FMN1: variants seen among roughly 807,000 people sequenced by gnomAD.
FMN1 encodes formin 1, also known as formin-1.
FMN1 carries 110 observed loss-of-function variants against 132.4 expected under a neutral mutation model. The ratio of observed to expected loss-of-function variants is 0.83; its 90% CI spans 0.71 to 0.97. FMN1 has a LOEUF of 0.97. Among genes scored for constraint, FMN1 ranks in the 50% least tolerant of loss-of-function variants. The probability of loss-of-function intolerance (pLI) is 0.00; values close to 1 mark genes in which losing one functional copy is unlikely to be tolerated. For missense variants in FMN1, 1,792 were observed against 1,705.3 expected, an observed-to-expected ratio of 1.05 and a Z score of -0.90; for synonymous variants, 722 against 651.7, an observed-to-expected ratio of 1.11 and a Z score of -1.64.
At chr15:32,934,633 G>A (rs912538264) in intron 9 of FMN1, among the ~76,000 whole-genome samples, 1 of 142,216 alleles carries the variant, frequency 7.0e-6, no homozygotes, top group African/African-American at 2.6e-5. Context: ...GGAGGACTGA[G>A]TCTCACTCTG....
intron 4 of FMN1, among the ~76,000 whole-genome samples, chr15:33,128,423 T>A (rs1386719222): frequency 2.0e-5 from 3 of 152,172 alleles, no homozygotes; most frequent in Admixed American, 1.3e-4. Context: ...AAAATCATTC[T>A]TTCTACCTCC....
Position 32,903,585 on chromosome 15 carries a change from T to C in FMN1, c.3378-1545A>G, listed in dbSNP as rs189033671. Among the ~76,000 whole-genome samples, 510 of 152,320 alleles carry C rather than the reference T, an allele frequency of 3.3e-3. 1 individual carries two copies. The highest frequency in any genetic ancestry group is 5.3e-3 in the Non-Finnish European group (360 of 68,034). ...ATTCAGGACCCAAGTTCCCAGAGCA[T>C]GTACACTTCCTATCACAGTGAGCGA... On this transcript the variant is annotated intron_variant, in intron 12 of 20. Coordinates refer to ENST00000616417, the MANE Select transcript of FMN1 (RefSeq NM_001277313.2).
At chr15:32,831,213 A>G (rs1258277336) in intron 17 of FMN1, among the ~76,000 whole-genome samples, 27 of 151,746 alleles carry the variant, frequency 1.8e-4, no homozygotes, top group Non-Finnish European at 1.5e-5. Flanking sequence ...ATGTTAGCTA[A>G]TATTATTTTT....
chr15:33,173,564 C>T (rs1017221898), intron 3 of FMN1, among the ~76,000 whole-genome samples: 1 of 152,174 alleles, frequency 6.6e-6, no homozygotes, highest in African/African-American at 2.4e-5. Context: ...GCACCAGAGG[C>T]CAGAACAAGA....
At chr15:33,072,740 T>C (rs1030699997) in intron 5 of FMN1, among the ~76,000 whole-genome samples, 4 of 152,048 alleles carry the variant, frequency 2.6e-5, no homozygotes, top group South Asian at 2.1e-4. Context: ...CTGGCCAACA[T>C]GGCGAAATCC....
intron 3 of FMN1, among the ~76,000 whole-genome samples, chr15:33,160,791 G>A (rs1449537109): frequency 1.3e-5 from 2 of 152,142 alleles, no homozygotes; most frequent in Non-Finnish European, 2.9e-5. Flanking sequence ...GGGAGTCTTC[G>A]TGTCTTCTAT....
At chr15:32,976,909 C>T (rs756012226) in intron 7 of FMN1, among the ~76,000 whole-genome samples, 13 of 152,164 alleles carry the variant, frequency 8.5e-5, no homozygotes, top group Non-Finnish European at 1.5e-4. Flanking sequence ...AGGCACTATG[C>T]TAGCCTTCAT....
intron 5 of FMN1, among the ~76,000 whole-genome samples, chr15:33,086,914 G>A (rs972983875): frequency 1.1e-4 from 17 of 152,152 alleles, no homozygotes; most frequent in African/African-American, 3.6e-4. Context: ...AAAATACAGG[G>A]TTCTCCTGCT....
At chr15:33,017,403 G>A (rs1480921415) in intron 6 of FMN1, among the ~76,000 whole-genome samples, 2 of 133,716 alleles carry the variant, frequency 1.5e-5, no homozygotes, top group Non-Finnish European at 3.2e-5. Flanking sequence ...GTATGTGGGC[G>A]CAGTAGACGG....
At chr15:32,923,964 C>T (rs1259636365) in intron 10 of FMN1, among the ~76,000 whole-genome samples, 2 of 126,482 alleles carry the variant, frequency 1.6e-5, no homozygotes, top group East Asian at 2.1e-4. Context: ...CTGTCAAGAC[C>T]GTTCTGTGAT....
At chr15:33,133,558 A>AC (rs1404437419) in intron 4 of FMN1, among the ~76,000 whole-genome samples, 3 of 152,118 alleles carry the variant, frequency 2.0e-5, no homozygotes, top group Non-Finnish European at 4.4e-5. Context: ...ACTCTCTGGA[A>AC]CTCTGGCTTA....
At chr15:32,852,200 C>T (rs73370817) in intron 17 of FMN1, among the ~76,000 whole-genome samples, 41 of 152,314 alleles carry the variant, frequency 2.7e-4, no homozygotes, top group African/African-American at 8.9e-4. Context: ...GTTGACCTCA[C>T]TGTCTTCCAT....
rs762486035 is a variant in FMN1 at position 32,921,443 on chromosome 15, A to G, written c.3226+4731T>C. Among the ~76,000 whole-genome samples, 27 of 152,328 alleles carry G rather than the reference A, an allele frequency of 1.8e-4. 1 individual carries two copies. The Middle Eastern group carries it at 0.01, about 58-fold the overall frequency. On this transcript the variant is annotated intron_variant, in intron 10 of 20. Coordinates refer to ENST00000616417, the MANE Select transcript of FMN1 (RefSeq NM_001277313.2). ...TATGTTTTGGCCAAGCATGGAAAAC[A>G]TTAGAGGCCAGTCTTCCATGAACAG...
chr15:33,089,604 T>C (rs757065408), intron 4 of FMN1, among the ~76,000 whole-genome samples: 1 of 152,358 alleles, frequency 6.6e-6, no homozygotes, highest in Non-Finnish European at 1.5e-5. Context: ...CAGACACTGT[T>C]TTTAGTTCTG....
intron 9 of FMN1, among the ~76,000 whole-genome samples, chr15:32,955,858 G>T (rs1221091791): frequency 6.6e-6 from 1 of 152,038 alleles, no homozygotes; most frequent in East Asian, 1.9e-4. Context: ...TGTGTGGTGA[G>T]AAAGGAATTC....
chr15:33,054,945 A>G (rs1485257745), intron 6 of FMN1, among the ~76,000 whole-genome samples: 1 of 152,164 alleles, frequency 6.6e-6, no homozygotes, highest in Non-Finnish European at 1.5e-5. Context: ...ATAGTTGTAA[A>G]CCAAAAATAA....
At chr15:32,779,036 T>C (rs74514685) in intron 19 of FMN1, among the ~76,000 whole-genome samples, 1,796 of 152,240 alleles carry the variant, frequency 0.012, 33 homozygotes, top group African/African-American at 0.041. Context: ...CTCAAAAACA[T>C]TGTGCTAAGT....
intron 7 of FMN1, among the ~76,000 whole-genome samples, chr15:32,984,035 C>G (rs1308284105): frequency 6.6e-6 from 1 of 151,824 alleles, no homozygotes; most frequent in Non-Finnish European, 1.5e-5. Context: ...CTCATTTCTT[C>G]CCCTGTCTCT....
In FMN1 at chr15:32,777,702, AC is replaced by A. The variant is rs990640248; in HGVS notation, c.4131-784del. ...TTATATATTACGTATAACATATAAC[AC>A]ATTTACTTATATATTACGTATAATA... On this transcript the variant is annotated intron_variant, in intron 19 of 20. Transcript: ENST00000616417. Among the ~76,000 whole-genome samples, 15 of 138,736 alleles carry A rather than the reference AC, an allele frequency of 1.1e-4. 3 individuals carry two copies. The highest frequency in any genetic ancestry group is 5.2e-4 in the Admixed American group (7 of 13,432). The allele number at this position is 138,736 out of a possible 152,430, so 91.0% of individuals were successfully genotyped here. A position where few individuals can be genotyped will look rare whatever the true frequency, so the allele number is the denominator to read the frequency against.
Sources: allele counts gnomAD v4.1 joint callset (sites outside exome capture counted in the v4.1 genomes callset), GRCh38; gene constraint gnomAD v4.1.1; transcripts MANE v1.5; gene names NCBI Gene and HGNC (gene_info 2026-07-23, HGNC 2026-07-21).